Variants in GALNT9 observed in about 807,000 individuals in gnomAD.
GALNT9 encodes the protein polypeptide N-acetylgalactosaminyltransferase 9.
Under a neutral mutation model 63.1 loss-of-function variants are expected in GALNT9, and 47 were observed. That is an observed-to-expected ratio of 0.75 (90% CI 0.59 to 0.95). GALNT9 has a LOEUF of 0.95. Ranked by LOEUF, GALNT9 falls within the 40% of genes least tolerant of loss-of-function variation. The pLI, the probability that GALNT9 is intolerant of heterozygous loss-of-function variation, is 0.00. For synonymous variants in GALNT9, 396 were observed against 365.7 expected (o/e 1.08, Z -0.94); for missense variants, 829 against 874.8 (o/e 0.95, Z 0.66).
intron 6 of GALNT9, 133 bp downstream of exon 6, chr12:132,247,776 TC>T (rs1270028292): frequency 5.7e-6 from 7 of 1,222,488 alleles, no homozygotes; most frequent in Non-Finnish European, 7.8e-6. Context: ...CCTCACCCCA[TC>T]CCCGGACGCT....
At chr12:132,202,081 TTC>T (rs373860535) in intron 7 of GALNT9, among the ~76,000 whole-genome samples, 73 of 152,344 alleles carry the variant, frequency 4.8e-4, no homozygotes, top group African/African-American at 1.5e-3. Context: ...GTCCCCTATC[TTC>T]TCTGTGCCTC....
chr12:132,243,430 G>A (rs556583963), intron 6 of GALNT9, among the ~76,000 whole-genome samples: 2 of 152,112 alleles, frequency 1.3e-5, no homozygotes, highest in African/African-American at 4.8e-5. Flanking sequence ...CTCGTCTTCC[G>A]GAGCTCTCTC....
chr12:132,197,542 A>G lies in GALNT9; in HGVS notation c.1665+250T>C, dbSNP rs566870308. On this transcript the variant is annotated intron_variant, in intron 10 of 10. Coordinates refer to ENST00000328957, the MANE Select transcript of GALNT9 (RefSeq NM_001122636.2). ...CTGGGCACCTGAGGCTGGAAGAGGC[A>G]GATGCAGGGCTATGATCAGACTGTC... is the stretch of plus-strand genomic sequence containing the variant. 1.1e-3 allele frequency among the ~76,000 whole-genome samples: 171 copies of G among 152,344 alleles called. 1 individual carries two copies. Among genetic ancestry groups the G allele is most frequent in the African/African-American group, 4.0e-3 (168 of 41,576 alleles).
chr12:132,325,942 G>A (rs1014288165), intron 1 of GALNT9, among the ~76,000 whole-genome samples: 3 of 152,256 alleles, frequency 2.0e-5, no homozygotes, highest in South Asian at 2.1e-4. Context: ...CAGCCGCTGC[G>A]ACGCGGGCGA....
At chr12:132,210,420 A>T (rs1876905432) in intron 6 of GALNT9, among the ~76,000 whole-genome samples, 1 of 152,208 alleles carries the variant, frequency 6.6e-6, no homozygotes, top group Non-Finnish European at 1.5e-5. Context: ...TGCGGCCTTC[A>T]TCGTGAAACT....
rs1555245664 is a variant in GALNT9, at chr12:132,316,061, C to T, written c.238+12905G>A. Among the ~76,000 whole-genome samples the T allele has an allele frequency of 1.3e-5, 2 of 152,172 alleles. No individual in the cohort carries two copies. Among genetic ancestry groups the T allele is most frequent in the Admixed American group, 6.5e-5 (1 of 15,284 alleles). ...CGCCCACCCCCTCACGCCTGCAGGTCTTGGGTTCCGTCATGTTTCCTCATC... is the reference window on the plus strand; with the variant it reads ...CGCCCACCCCCTCACGCCTGCAGGTTTTGGGTTCCGTCATGTTTCCTCATC... On this transcript the variant is annotated intron_variant, in intron 1 of 10. Transcript: ENST00000328957. This position sits in a 1 kb window ranked among gnomAD's most constrained non-coding sequence, Gnocchi z 4.3.
intron 1 of GALNT9, among the ~76,000 whole-genome samples, chr12:132,291,989 C>A (rs1204436142): frequency 2.0e-5 from 3 of 152,238 alleles, no homozygotes; most frequent in Non-Finnish European, 4.4e-5. Flanking sequence ...TCACAGTATG[C>A]CAGCCACGCT....
chr12:132,231,136 CAG>C (rs1167828982), intron 6 of GALNT9, among the ~76,000 whole-genome samples: 1 of 78,524 alleles, frequency 1.3e-5, no homozygotes, highest in Admixed American at 1.4e-4. Flanking sequence ...CATGGGGCGA[CAG>C]AGGAGACAGC....
At chr12:132,222,470 C>G (rs1877487144) in intron 6 of GALNT9, among the ~76,000 whole-genome samples, 1 of 152,212 alleles carries the variant, frequency 6.6e-6, no homozygotes, top group Non-Finnish European at 1.5e-5. Context: ...AAACTCAACA[C>G]CATAAAATGA....
chr12:132,258,346 A>G (rs931228029), intron 4 of GALNT9, among the ~76,000 whole-genome samples: 5 of 152,230 alleles, frequency 3.3e-5, no homozygotes, highest in Non-Finnish European at 7.3e-5. Flanking sequence ...CTGTTCCCAC[A>G]AATTGGAATA....
chr12:132,325,398 C>T (rs1019740977), intron 1 of GALNT9, among the ~76,000 whole-genome samples: 3 of 152,174 alleles, frequency 2.0e-5, no homozygotes, highest in Non-Finnish European at 2.9e-5. Flanking sequence ...TGGACACGAG[C>T]GAGGTGTCAC....
At chr12:132,264,877 G>A (rs781833283) in intron 2 of GALNT9, among the ~76,000 whole-genome samples, 75 of 152,146 alleles carry the variant, frequency 4.9e-4, no homozygotes, top group Admixed American at 1.2e-3. Context: ...GCCAGGGTCC[G>A]ATCCAGGTTC....
chr12:132,201,430 T>G, intron 7 of GALNT9, 169 bp from the exon 8 acceptor site: 1 of 375,732 alleles, frequency 2.7e-6, no homozygotes, highest in Non-Finnish European at 5.0e-6. Context: ...AGCCTCCTAA[T>G]ATCCACAGAG....
At chr12:132,266,872 G>T (rs929906605) in intron 2 of GALNT9, among the ~76,000 whole-genome samples, 4 of 152,116 alleles carry the variant, frequency 2.6e-5, no homozygotes, top group Admixed American at 1.3e-4. Context: ...TATGAGGGGG[G>T]TCCTGAGCCT....
chr12:132,291,480 AGCACCCACAACCACAGCGCCCACG>A lies in GALNT9; in HGVS notation c.239-5074_239-5051del, dbSNP rs1555242753. On this transcript the variant is annotated intron_variant, in intron 1 of 10. Transcript: ENST00000328957. ...CCACATCCACAGCACCCACGTCCAC[AGCACCCACAACCACAGCGCCCACG>A]TCCACACCACCCACATCCACAGCAC... Among the ~76,000 whole-genome samples the A allele has an allele frequency of 2.3e-3, 331 of 146,988 alleles. 11 individuals are homozygous for A. Among genetic ancestry groups the A allele is most frequent in the African/African-American group, 8.2e-3 (315 of 38,580 alleles).
intron 1 of GALNT9, among the ~76,000 whole-genome samples, chr12:132,309,251 C>T (rs1284255654): frequency 3.3e-5 from 5 of 152,218 alleles, no homozygotes; most frequent in South Asian, 4.1e-4. Flanking sequence ...ATCTGCCATG[C>T]GGGGCAGAGA....
Position 132,282,751 on chromosome 12 carries a change from G to A in GALNT9, c.419+3499C>T, listed in dbSNP as rs1880411702. 1 of 152,306 alleles carries A rather than the reference G, an allele frequency of 6.6e-6. No homozygotes were observed. The highest frequency in any genetic ancestry group is 1.9e-4 in the East Asian group (1 of 5,182). 9.4% of individuals were successfully genotyped at this position (152,306 alleles called of 1,614,324 possible). A position where few individuals can be genotyped will look rare whatever the true frequency, so the allele number is the denominator to read the frequency against. ...TGACCAGCCCTGAGCCAACCCCTAG[G>A]TCTGGGGTGACCTTCACGCTCTGAC... is the stretch of plus-strand genomic sequence containing the variant. On this transcript the variant is annotated intron_variant, in intron 2 of 10. Transcript: ENST00000328957. The surrounding 1 kb of genome is among the most constrained non-coding windows in gnomAD (Gnocchi z 4.5).
At chr12:132,257,541 G>C in intron 5 of GALNT9, 148 bp downstream of exon 5, 1 of 191,442 alleles carries the variant, frequency 5.2e-6, no homozygotes, top group Non-Finnish European at 9.5e-6. Context: ...TCATCCCCAC[G>C]CCCTCGTCCC....
At chr12:132,312,201 C>T (rs936847486) in intron 1 of GALNT9, among the ~76,000 whole-genome samples, 1 of 152,224 alleles carries the variant, frequency 6.6e-6, no homozygotes. Flanking sequence ...TATATTCTCA[C>T]TGAGACTAAT....
Sources: gnomAD v4.1 joint callset for allele counts (sites outside exome capture counted in the v4.1 genomes callset) on GRCh38, gnomAD v4.1.1 for gene constraint, Gnocchi (gnomAD v3.1) non-coding constraint, MANE v1.5 for transcripts, NCBI Gene and HGNC (gene_info 2026-07-23, HGNC 2026-07-21) for gene names.